RUNX2: variants seen among roughly 807,000 people sequenced by gnomAD.
RUNX2 encodes runt-related transcription factor 2.
A neutral mutation model predicts 51.7 loss-of-function variants in RUNX2; 10 were observed. That is an observed-to-expected ratio of 0.19 (90% CI 0.12 to 0.33). The LOEUF (loss-of-function observed/expected upper bound fraction) is 0.33, where lower values mean the gene tolerates loss of function less well. RUNX2 is among the 10% of genes least tolerant of loss of function. The pLI is 1.00. For missense variants in RUNX2, 562 were observed against 691.3 expected (o/e 0.81, Z 2.10); for synonymous variants, 276 against 273.6 (o/e 1.01, Z -0.09).
At chr6:45,496,745 T>G (rs914571509) in intron 6 of RUNX2, among the ~76,000 whole-genome samples, 3 of 152,156 alleles carry the variant, frequency 2.0e-5, no homozygotes, top group Non-Finnish European at 4.4e-5. Context: ...GTCATTTACA[T>G]GCATAATAAA....
intron 2 of RUNX2, among the ~76,000 whole-genome samples, chr6:45,359,862 G>A (rs1465821531): frequency 3.9e-5 from 6 of 152,100 alleles, no homozygotes; most frequent in African/African-American, 9.7e-5. Flanking sequence ...TGGGCAACAC[G>A]ACAAAATCCT....
intron 6 of RUNX2, among the ~76,000 whole-genome samples, chr6:45,495,286 G>T (rs1201848119): frequency 6.6e-6 from 1 of 152,222 alleles, no homozygotes; most frequent in South Asian, 2.1e-4. Flanking sequence ...GAAAGTTCAG[G>T]TGAGAAGCAA....
rs1008770129 is a variant in RUNX2, at chr6:45,487,266, C to T, written c.686-4675C>T. On this transcript the variant is annotated intron_variant, in intron 5 of 8. Coordinates refer to ENST00000647337, the MANE Select transcript of RUNX2 (RefSeq NM_001024630.4). ...AGCTGGTTGGCAATGGGAGAGAAAA[C>T]AGCCCCAGGCCAGCAATCAGGAAAA... is the stretch of plus-strand genomic sequence containing the variant. Among the ~76,000 whole-genome samples the T allele has an allele frequency of 3.9e-5, 6 of 152,208 alleles. No individual in the cohort carries two copies. In the East Asian group the frequency reaches 1.2e-3, roughly 29 times the overall value.
At chr6:45,423,010 G>GCCGGTGTCTTCCTGCCCA in intron 3 of RUNX2, 53 bp downstream of exon 3, 1 of 1,588,162 alleles carries the variant, frequency 6.3e-7, no homozygotes, top group South Asian at 1.1e-5. Flanking sequence ...GAACCTGCCC[G>GCCGGTGTCTTCCTGCCCA]CCGGTGTCTT....
At chr6:45,356,643 G>A (rs1793248783) in intron 2 of RUNX2, among the ~76,000 whole-genome samples, 1 of 151,946 alleles carries the variant, frequency 6.6e-6, no homozygotes, top group African/African-American at 2.4e-5. Flanking sequence ...GACCTCAAGT[G>A]ATCTGCCCAC....
chr6:45,478,902 T>C (rs1264357043), intron 5 of RUNX2, among the ~76,000 whole-genome samples: 1 of 152,100 alleles, frequency 6.6e-6, no homozygotes, highest in Non-Finnish European at 1.5e-5. Context: ...CTTTTCTTTT[T>C]ATTTTAAGAT....
chr6:45,470,441 T>C (rs1054902371), intron 5 of RUNX2, among the ~76,000 whole-genome samples: 3 of 152,190 alleles, frequency 2.0e-5, no homozygotes, highest in Admixed American at 1.3e-4. Context: ...AGTATAAAGA[T>C]GTACTCTGCC....
intron 6 of RUNX2, among the ~76,000 whole-genome samples, chr6:45,496,804 G>A (rs1056912517): frequency 1.3e-5 from 2 of 152,206 alleles, no homozygotes; most frequent in South Asian, 2.1e-4. Context: ...AAACAAAGAA[G>A]CAGAATTATG....
intron 2 of RUNX2, among the ~76,000 whole-genome samples, chr6:45,390,826 A>G (rs1433662590): frequency 2.0e-5 from 3 of 152,214 alleles, no homozygotes; most frequent in Non-Finnish European, 4.4e-5. Context: ...GGCTCCCTAA[A>G]AAGATTGGGT....
At chr6:45,458,022 A>ATTTTTTTTT (rs67652614) in intron 5 of RUNX2, among the ~76,000 whole-genome samples, 2,221 of 137,600 alleles carry the variant, frequency 0.016, 97 homozygotes, top group African/African-American at 0.059. Flanking sequence ...CTGGGATAGG[A>ATTTTTTTTT]TTTTTTTTTT....
At chr6:45,466,286 C>T (rs1199708063) in intron 5 of RUNX2, among the ~76,000 whole-genome samples, 1 of 151,740 alleles carries the variant, frequency 6.6e-6, no homozygotes, top group Middle Eastern at 3.4e-3. Flanking sequence ...GCACTCCAGC[C>T]TGGGCAACAA....
At chr6:45,439,999 A>G (rs1798796970) in intron 5 of RUNX2, among the ~76,000 whole-genome samples, 1 of 152,222 alleles carries the variant, frequency 6.6e-6, no homozygotes, top group Non-Finnish European at 1.5e-5. Flanking sequence ...CAGGTGGTAT[A>G]CGTGGGACCT....
intron 2 of RUNX2, among the ~76,000 whole-genome samples, chr6:45,408,309 G>T (rs917855945): frequency 6.6e-6 from 1 of 152,032 alleles, no homozygotes; most frequent in Non-Finnish European, 1.5e-5. Context: ...AGTAGGAAAA[G>T]GGAAATATGA....
intron 3 of RUNX2, among the ~76,000 whole-genome samples, chr6:45,424,343 TC>T (rs1370602571): frequency 2.0e-5 from 3 of 152,148 alleles, no homozygotes; most frequent in East Asian, 3.9e-4. Context: ...GGAAACGGGT[TC>T]CCAGGCTGTC....
intron 2 of RUNX2, among the ~76,000 whole-genome samples, chr6:45,340,895 C>G (rs1395402349): frequency 6.6e-6 from 1 of 152,080 alleles, no homozygotes; most frequent in Non-Finnish European, 1.5e-5. Flanking sequence ...TTATCTGTAG[C>G]ATTCCTTATA....
chr6:45,423,734 C>T (rs1798303617), intron 3 of RUNX2, among the ~76,000 whole-genome samples: 1 of 152,198 alleles, frequency 6.6e-6, no homozygotes, highest in South Asian at 2.1e-4. Context: ...TGACCCGCGC[C>T]AGATCCCGTT....
chr6:45,508,092 T>C (rs1003494716), intron 6 of RUNX2, among the ~76,000 whole-genome samples: 3 of 152,136 alleles, frequency 2.0e-5, no homozygotes, highest in African/African-American at 7.2e-5. Flanking sequence ...ATTCACAAGG[T>C]ATTAGAGAAG....
At chr6:45,485,697 G>GTGTGTGTGTATATATATATATATATA (rs1219072282) in intron 5 of RUNX2, among the ~76,000 whole-genome samples, 10 of 104,052 alleles carry the variant, frequency 9.6e-5, no homozygotes, top group African/African-American at 2.7e-4. Context: ...GTGTGTGTGT[G>GTGTGTGTGTATATATATATATATATA]TATATATATA....
intron 4 of RUNX2, among the ~76,000 whole-genome samples, chr6:45,434,395 C>A (rs976536187): frequency 1.3e-5 from 2 of 152,006 alleles, no homozygotes; most frequent in Non-Finnish European, 2.9e-5. Flanking sequence ...TTAAATATTT[C>A]TATTTTCAGT....
Sources: gnomAD v4.1 joint callset for allele counts (sites outside exome capture counted in the v4.1 genomes callset) on GRCh38, gnomAD v4.1.1 for gene constraint, MANE v1.5 for transcripts, NCBI Gene and HGNC (gene_info 2026-07-23, HGNC 2026-07-21) for gene names.